The following PSME2 variants were observed in gnomAD, a reference collection of about 807,000 sequenced individuals.
PSME2 encodes the protein proteasome activator subunit 2, also known as proteasome activator complex subunit 2.
In PSME2, 20 loss-of-function variants were observed where a neutral mutation model predicts 38.8. The observed-to-expected ratio is 0.52, with a 90% CI of 0.36 to 0.75. The LOEUF (loss-of-function observed/expected upper bound fraction) is 0.75, where lower values mean the gene tolerates loss of function less well. PSME2 is among the 30% of genes least tolerant of loss of function. PSME2 has a pLI of 0.00. For synonymous variants in PSME2, 82 were observed against 102.5 expected, an observed-to-expected ratio of 0.80 and a Z score of 1.21; for missense variants, 227 against 287.6, an observed-to-expected ratio of 0.79 and a Z score of 1.52.
chr14:24,145,013 C>A (rs2038128772), intron 6 of PSME2, 45 bp downstream of exon 6: 1 of 1,560,638 alleles, frequency 6.4e-7, no homozygotes, highest in African/African-American at 1.4e-5. Context: ...CAGGGCCTCA[C>A]CTTGTGTGTC....
intron 5 of PSME2, 26 bp from the exon 6 acceptor site, chr14:24,145,181 C>G (rs2038131019): frequency 6.2e-7 from 1 of 1,611,976 alleles, no homozygotes; most frequent in African/African-American, 1.3e-5. Context: ...GATTCAGGCC[C>G]TTTCTCATCC....
intron 7 of PSME2, 33 bp from the exon 8 acceptor site, chr14:24,144,292 C>A: frequency 6.2e-7 from 1 of 1,613,452 alleles, no homozygotes; most frequent in Admixed American, 1.7e-5. Context: ...GACAACACTT[C>A]ATGTCCTCCC....
chr14:24,144,820 AG>A (rs2038125402), intron 6 of PSME2: 1 of 585,632 alleles, frequency 1.7e-6, no homozygotes, highest in Non-Finnish European at 3.0e-6. Context: ...AACCCAATAC[AG>A]CAGTAGGTTC....
At chr14:24,144,945 A>G (rs1566609519) in intron 6 of PSME2, 113 bp downstream of exon 6, 8 of 1,067,716 alleles carry the variant, frequency 7.5e-6, no homozygotes, top group Non-Finnish European at 1.1e-5. Flanking sequence ...GCACAGAAGG[A>G]AGTTTTCTTT....
At position 24,143,699 on chromosome 14, in the gene PSME2, A is replaced by G; in HGVS notation, c.553-28T>C. Reference sequence around the variant, plus strand: ...GCAATGTGGGAGGCAAAGCTGAGTCAGTCCCATGGGAGGCTGGGACATGAG... The same window carrying G: ...GCAATGTGGGAGGCAAAGCTGAGTCGGTCCCATGGGAGGCTGGGACATGAG... On this transcript the variant is annotated intron_variant, in intron 9 of 10. Transcript: ENST00000216802. This position sits in a 1 kb window ranked among gnomAD's most constrained non-coding sequence, Gnocchi z 4.4. 1.9e-6 allele frequency: 3 copies of G among 1,607,954 alleles called. No homozygotes were observed. Among genetic ancestry groups the G allele is most frequent in the East Asian group, 2.2e-5 (1 of 44,862 alleles).
chr14:24,145,402 C>A lies in PSME2; in HGVS notation c.208G>T (p.Asp70Tyr). 1.3e-6 allele frequency: 2 copies of A among 1,583,542 alleles called. No homozygotes were observed. Among genetic ancestry groups the A allele is most frequent in the Non-Finnish European group, 1.7e-6 (2 of 1,164,856 alleles). ...LRAPLDIPIPDPPPKDDEMET... is the reference protein window; with the variant it reads ...LRAPLDIPIPYPPPKDDEMET... ...ACCTCATCATCCTTGGGTGGAGGGT[C>A]TGGGATGGGGATGTCCAGTGGGGCC... Residue 70 changes from aspartate to tyrosine, a missense_variant, in exon 4 of 11, where the codon GAC becomes TAC. This residue lies in a region of PSME2 where 48 missense variants were observed against 96.4 expected (regional missense o/e 0.50). Coordinates refer to ENST00000216802, the MANE Select transcript of PSME2 (RefSeq NM_002818.3).
intron 7 of PSME2, 64 bp downstream of exon 7, chr14:24,144,336 T>C: frequency 6.2e-7 from 1 of 1,609,306 alleles, no homozygotes; most frequent in South Asian, 1.1e-5. Context: ...TCCTCCTGGT[T>C]CATGTCTAGC....
intron 3 of PSME2, 25 bp from the exon 4 acceptor site, chr14:24,145,490 C>T (rs1202206434): frequency 6.5e-7 from 1 of 1,537,392 alleles, no homozygotes; most frequent in Admixed American, 2.0e-5. Context: ...CTGTCAAGGG[C>T]TGCCCAACCT....
At chr14:24,145,623 G>A in intron 3 of PSME2, 87 bp downstream of exon 3, 1 of 1,506,314 alleles carries the variant, frequency 6.6e-7, no homozygotes, top group South Asian at 1.1e-5. Flanking sequence ...ACTATTCTCT[G>A]CATGCTGAAT....
chr14:24,143,860 C>T lies in PSME2; in HGVS notation c.552+115G>A. ...CCCAAACCAGTTTTTCTAGGTAATG[C>T]TTTTAGCTTAATATTCTCCACATTG... On this transcript the variant is annotated intron_variant, in intron 9 of 10. Transcript: ENST00000216802. This position sits in a 1 kb window ranked among gnomAD's most constrained non-coding sequence, Gnocchi z 4.4. 5 of 1,411,112 alleles carry T rather than the reference C, an allele frequency of 3.5e-6. No homozygotes were observed. The highest frequency in any genetic ancestry group is 4.0e-6 in the Non-Finnish European group (4 of 1,008,130). 87.4% of individuals were successfully genotyped at this position (1,411,112 alleles called of 1,614,324 possible).
At chr14:24,145,548 C>A in intron 3 of PSME2, 83 bp from the exon 4 acceptor site, 1 of 1,469,154 alleles carries the variant, frequency 6.8e-7, no homozygotes, top group East Asian at 2.3e-5. Flanking sequence ...ATCCCACTTG[C>A]ACTCTGCCTC....
chr14:24,144,223 T>G lies in PSME2; in HGVS notation c.466A>C (p.Lys156Gln). The stretch of plus-strand genomic sequence containing the variant: ...ATGGTTGTCTGGAAAGCTTCCACTT[T>G]GGTCTTGACGGCATTCACCCTCTCC... ...VLERVNAVKTKVEAFQTTISK... is the reference protein window; with the variant it reads ...VLERVNAVKTQVEAFQTTISK... Residue 156 changes from lysine (K) to glutamine (Q), a missense_variant, in exon 8 of 11, where the codon AAA (lysine) becomes CAA (glutamine). Physicochemically the swap from Lys to Gln is moderately conservative, Grantham distance 53. Around this residue, in one of 3 missense-constraint regions of PSME2, gnomAD observed 99 missense variants for 113.9 expected, o/e 0.87. Coordinates refer to ENST00000216802, the MANE Select transcript of PSME2 (RefSeq NM_002818.3). 6.2e-7 allele frequency: 1 copy of G among 1,614,236 alleles called. No homozygotes were observed. Among genetic ancestry groups the G allele is most frequent in the Non-Finnish European group, 8.5e-7 (1 of 1,180,052 alleles).
intron 6 of PSME2, 111 bp downstream of exon 6, chr14:24,144,947 G>T: frequency 8.9e-7 from 1 of 1,124,106 alleles, no homozygotes; most frequent in Non-Finnish European, 1.3e-6. Flanking sequence ...ACAGAAGGAA[G>T]TTTTCTTTTT....
chr14:24,145,802 C>A, intron 2 of PSME2, 30 bp from the exon 3 acceptor site: 1 of 1,590,598 alleles, frequency 6.3e-7, no homozygotes, highest in Non-Finnish European at 8.6e-7. Context: ...GGAGGGGAAT[C>A]ACAGAATATG....
Position 24,145,608 on chromosome 14 carries a change from T to C in PSME2, c.144+102A>G, listed in dbSNP as rs1270187339. ...CATCCTAATGTTCCTAATCCACTAT[T>C]TGAAACTATTCTCTGCATGCTGAAT... is the stretch of plus-strand genomic sequence containing the variant. On this transcript the variant is annotated intron_variant, in intron 3 of 10. Transcript: ENST00000216802. 3.2e-5 allele frequency: 47 copies of C among 1,491,780 alleles called. No homozygotes were observed. In the East Asian group the frequency reaches 1.1e-3, roughly 34 times the overall value. 92.4% of individuals were successfully genotyped at this position (1,491,780 alleles called of 1,614,324 possible).
chr14:24,145,418 C>G lies in PSME2; in HGVS notation c.192G>C (p.Leu64=). ...VADLTSLRAP[L]DIPIPDPPPK... is the part of the protein sequence containing the mutation. ...GTGGAGGGTCTGGGATGGGGATGTC[C>G]AGTGGGGCCCGGAGGGAAGTCAAGT... Residue 64 remains leucine, a synonymous_variant, in exon 4 of 11, where the codon CTG becomes CTC. Coordinates refer to ENST00000216802, the MANE Select transcript of PSME2 (RefSeq NM_002818.3). The G allele has an allele frequency of 6.4e-7, 1 of 1,569,548 alleles. No homozygotes were observed. Among genetic ancestry groups the G allele is most frequent in the South Asian group, 1.2e-5 (1 of 82,650 alleles).
chr14:24,145,922 C>T (rs769555877), intron 2 of PSME2, 150 bp from the exon 3 acceptor site: 2 of 919,588 alleles, frequency 2.2e-6, no homozygotes, highest in Non-Finnish European at 3.5e-6. Context: ...CTTGCCCAAG[C>T]TGGTAAATGG....
chr14:24,144,962 A>C lies in PSME2; in HGVS notation c.360+96T>G, dbSNP rs567004557. 8 of 1,254,786 alleles carry C rather than the reference A, an allele frequency of 6.4e-6. No individual in the cohort carries two copies. The African/African-American group carries it at 1.0e-4, about 16-fold the overall frequency. The allele number at this position is 1,254,786 out of a possible 1,614,324, so 77.7% of individuals were successfully genotyped here. A position where few individuals can be genotyped will look rare whatever the true frequency, so the allele number is the denominator to read the frequency against. On this transcript the variant is annotated intron_variant, in intron 6 of 10. Transcript: ENST00000216802. ...ACAGAAGGAAGTTTTCTTTTTCAGG[A>C]CTAGGTCTCTGTATGAAGGACTTGT...
chr14:24,146,385 G>A, intron 1 of PSME2, 145 bp from the exon 2 acceptor site: 1 of 1,427,608 alleles, frequency 7.0e-7, no homozygotes, highest in Non-Finnish European at 9.7e-7. Context: ...ACTGCAGTCA[G>A]AAGGCAGGAA....
Sources: gnomAD v4.1 joint callset for allele counts on GRCh38, gnomAD v4.1.1 for gene constraint, gnomAD v4.1.1 regional missense constraint, Gnocchi (gnomAD v3.1) non-coding constraint, MANE v1.5 for transcripts, NCBI Gene and HGNC (gene_info 2026-07-23, HGNC 2026-07-21) for gene names.